ORC5: variants seen among roughly 807,000 people sequenced by gnomAD.
ORC5 encodes origin recognition complex subunit 5.
ORC5 carries 39 observed loss-of-function variants against 58.8 expected under a neutral mutation model. That is an observed-to-expected ratio of 0.66 (90% CI 0.51 to 0.87). The LOEUF is 0.87. Among genes scored for constraint, ORC5 ranks in the 40% least tolerant of loss-of-function variants. The probability of loss-of-function intolerance (pLI) is 0.00; values close to 1 mark genes in which losing one functional copy is unlikely to be tolerated. For missense variants in ORC5, 493 were observed against 506.3 expected, an observed-to-expected ratio of 0.97 and a Z score of 0.25; for synonymous variants, 218 against 177.6, an observed-to-expected ratio of 1.23 and a Z score of -1.81.
chr7:104,202,429 C>A, intron 2 of ORC5: 1 of 403,968 alleles, frequency 2.5e-6, no homozygotes, highest in Non-Finnish European at 5.0e-6. Context: ...CACTCCTTTA[C>A]TGTCCTTTAA....
chr7:104,144,803 T>C (rs1798729757), intron 12 of ORC5, among the ~76,000 whole-genome samples: 1 of 152,306 alleles, frequency 6.6e-6, no homozygotes, highest in African/African-American at 2.4e-5. Flanking sequence ...ACTTATTTAC[T>C]TCCTTGCTCC....
intron 8 of ORC5, among the ~76,000 whole-genome samples, chr7:104,169,708 TA>T (rs1340495920): frequency 1.3e-5 from 2 of 152,256 alleles, no homozygotes; most frequent in South Asian, 2.1e-4. Context: ...GAGTATACTT[TA>T]AAAAAAGTAG....
chr7:104,183,871 TA>T, intron 8 of ORC5, 71 bp downstream of exon 8: 1 of 1,007,754 alleles, frequency 9.9e-7, no homozygotes, highest in East Asian at 2.4e-5. Context: ...CTCTCTCTGT[TA>T]TTTAAGTTGA....
In ORC5 at chr7:104,191,325, A is replaced by G. The variant is rs1279462049; in HGVS notation, c.554-2944T>C. On this transcript the variant is annotated intron_variant, in intron 5 of 13. Transcript: ENST00000297431. ...TACCAAATAACTGGATGGATGTAAG[A>G]AAAGAGAGATGGAAGGAAGAGATAA... Among the ~76,000 whole-genome samples, 3 of 152,130 alleles carry G rather than the reference A, an allele frequency of 2.0e-5. No homozygotes were observed. In the East Asian group the frequency reaches 5.8e-4, roughly 29 times the overall value.
At chr7:104,158,647 C>G (rs1201096559) in intron 12 of ORC5, among the ~76,000 whole-genome samples, 4 of 151,858 alleles carry the variant, frequency 2.6e-5, no homozygotes. Context: ...AACAAACAAC[C>G]CCATCAAAAA....
chr7:104,157,406 A>C (rs1443869460), intron 12 of ORC5, among the ~76,000 whole-genome samples: 1 of 152,122 alleles, frequency 6.6e-6, no homozygotes, highest in Non-Finnish European at 1.5e-5. Flanking sequence ...ATGTATAGCA[A>C]TACTTTAAAT....
intron 12 of ORC5, among the ~76,000 whole-genome samples, chr7:104,142,880 G>A (rs1333224818): frequency 6.6e-6 from 1 of 152,166 alleles, no homozygotes; most frequent in Non-Finnish European, 1.5e-5. Context: ...AGGAGTCTTC[G>A]TGGGAGAGTA....
intron 9 of ORC5, 170 bp downstream of exon 9, chr7:104,168,303 G>A: frequency 1.7e-6 from 2 of 1,193,856 alleles, no homozygotes; most frequent in Non-Finnish European, 2.1e-6. Flanking sequence ...CATTAAATTA[G>A]AGCTTCAGTT....
At chr7:104,183,097 T>C (rs1293768478) in intron 8 of ORC5, among the ~76,000 whole-genome samples, 4 of 152,194 alleles carry the variant, frequency 2.6e-5, no homozygotes, top group African/African-American at 4.8e-5. Context: ...ATTGCGCCAT[T>C]GCACTCCAGC....
intron 8 of ORC5, among the ~76,000 whole-genome samples, chr7:104,183,178 G>A (rs1799471199): frequency 1.3e-5 from 2 of 152,134 alleles, no homozygotes; most frequent in Non-Finnish European, 2.9e-5. Context: ...ACAGAACAAT[G>A]CTGGCCCAAG....
chr7:104,134,480 T>C (rs549187270), intron 13 of ORC5, among the ~76,000 whole-genome samples: 1 of 150,206 alleles, frequency 6.7e-6, no homozygotes, highest in Non-Finnish European at 1.5e-5. Flanking sequence ...AGGTGCCCTA[T>C]TATCTCAATA....
At chr7:104,190,975 T>C (rs1203642311) in intron 5 of ORC5, among the ~76,000 whole-genome samples, 2 of 151,762 alleles carry the variant, frequency 1.3e-5, no homozygotes, top group African/African-American at 4.8e-5. Flanking sequence ...AACAGAAGTT[T>C]AGAAATAGCT....
chr7:104,159,088 CAAT>C (rs1387028712), intron 12 of ORC5, among the ~76,000 whole-genome samples: 3 of 151,168 alleles, frequency 2.0e-5, no homozygotes, highest in Non-Finnish European at 2.9e-5. Context: ...AAATGTCCAA[CAAT>C]GATAGACTGG....
At chr7:104,182,725 G>A (rs890926976) in intron 8 of ORC5, among the ~76,000 whole-genome samples, 1 of 152,138 alleles carries the variant, frequency 6.6e-6, no homozygotes, top group Non-Finnish European at 1.5e-5. Flanking sequence ...TTATTCAGTA[G>A]GTTCCCTTTA....
At chr7:104,161,275 T>C in intron 11 of ORC5, 93 bp from the exon 12 acceptor site, 1 of 680,418 alleles carries the variant, frequency 1.5e-6, no homozygotes. Context: ...TGTATTTTTG[T>C]TATATATAGT....
chr7:104,180,843 A>G (rs1264144515), intron 8 of ORC5, among the ~76,000 whole-genome samples: 1 of 152,210 alleles, frequency 6.6e-6, no homozygotes, highest in Non-Finnish European at 1.5e-5. Context: ...TGTATGCCAC[A>G]AAAATCATCA....
chr7:104,158,074 G>A lies in ORC5; in HGVS notation c.1149+2998C>T, dbSNP rs187506734. 6.3e-4 allele frequency among the ~76,000 whole-genome samples: 96 copies of A among 152,096 alleles called. 1 individual carries two copies. The highest frequency in any genetic ancestry group is 1.6e-4 in the Non-Finnish European group (11 of 67,966). ...ATAAACATGTATCACTTATGTAAAT[G>A]AGAAATATTTAAAAAACAAAAACTC... On this transcript the variant is annotated intron_variant, in intron 12 of 13. Transcript: ENST00000297431.
rs1185639850 is a variant in ORC5, at chr7:104,129,497, A to G, written c.1263-2604T>C. On this transcript the variant is annotated intron_variant, in intron 13 of 13. Transcript: ENST00000297431. This position sits in a 1 kb window ranked among gnomAD's most constrained non-coding sequence, Gnocchi z 4.9. ...CCATTCCTCCACCCCCAATATAAAT[A>G]GGTAACTTGCCAATTGATCTCACAT... 6.6e-6 allele frequency among the ~76,000 whole-genome samples: 1 copy of G among 152,214 alleles called. No homozygotes were observed. Among genetic ancestry groups the G allele is most frequent in the African/African-American group, 2.4e-5 (1 of 41,462 alleles).
intron 5 of ORC5, among the ~76,000 whole-genome samples, chr7:104,191,293 T>A (rs908289149): frequency 2.0e-5 from 3 of 151,950 alleles, no homozygotes; most frequent in Admixed American, 6.6e-5. Context: ...TATCTACCTA[T>A]AAAACCTACC....
Sources: allele counts gnomAD v4.1 joint callset (sites outside exome capture counted in the v4.1 genomes callset), GRCh38; gene constraint gnomAD v4.1.1; non-coding constraint Gnocchi (gnomAD v3.1); transcripts MANE v1.5; gene names NCBI Gene and HGNC (gene_info 2026-07-23, HGNC 2026-07-21).